LYPD6B: variants seen among roughly 807,000 people sequenced by gnomAD.
LYPD6B encodes LY6/PLAUR domain containing 6B, also known as ly6/PLAUR domain-containing protein 6B.
LYPD6B carries 17 observed loss-of-function variants against 22.8 expected under a neutral mutation model. That is an observed-to-expected ratio of 0.75 (90% CI 0.51 to 1.12). The LOEUF (loss-of-function observed/expected upper bound fraction) is 1.12, where lower values mean the gene tolerates loss of function less well. Among genes scored for constraint, LYPD6B ranks in the 50% most tolerant of loss-of-function variants. The pLI is 0.00. For synonymous variants in LYPD6B, 106 were observed against 91.6 expected, an observed-to-expected ratio of 1.16 and a Z score of -0.90; for missense variants, 221 against 258.3, an observed-to-expected ratio of 0.86 and a Z score of 0.99.
chr2:149,210,874 A>G (rs967473180), intron 5 of LYPD6B, among the ~76,000 whole-genome samples: 3 of 152,170 alleles, frequency 2.0e-5, no homozygotes, highest in African/African-American at 7.2e-5. Flanking sequence ...ACTCTACATT[A>G]TATCACTGTA....
At chr2:149,141,632 A>G (rs1235365743) in intron 2 of LYPD6B, among the ~76,000 whole-genome samples, 4 of 152,000 alleles carry the variant, frequency 2.6e-5, no homozygotes, top group Middle Eastern at 3.2e-3. Flanking sequence ...AAAAATTCCA[A>G]CCTCCTGTTG....
chr2:149,094,159 C>T (rs751742985), intron 1 of LYPD6B, among the ~76,000 whole-genome samples: 34 of 151,902 alleles, frequency 2.2e-4, no homozygotes, highest in Non-Finnish European at 4.4e-5. Context: ...ATTTTTGGTC[C>T]CTATGTATGA....
chr2:149,107,853 A>C (rs1159350607), intron 1 of LYPD6B, among the ~76,000 whole-genome samples: 1 of 152,204 alleles, frequency 6.6e-6, no homozygotes. Context: ...GAAAGGGTGG[A>C]GGGATCTATA....
chr2:149,187,528 TG>T (rs1559064809), intron 3 of LYPD6B: 1 of 1,477,008 alleles, frequency 6.8e-7, no homozygotes, highest in Admixed American at 2.6e-5. Context: ...TAAGATTCCC[TG>T]CGAGCAGGAT....
chr2:149,053,193 A>G (rs1038672758), intron 1 of LYPD6B, among the ~76,000 whole-genome samples: 1 of 152,238 alleles, frequency 6.6e-6, no homozygotes, highest in African/African-American at 2.4e-5. Flanking sequence ...TATGGAGGTA[A>G]GATAGATACA....
chr2:149,210,918 C>T (rs1442396660), intron 5 of LYPD6B, among the ~76,000 whole-genome samples: 3 of 152,144 alleles, frequency 2.0e-5, no homozygotes, highest in Non-Finnish European at 1.5e-5. Flanking sequence ...AAAGAAACAC[C>T]TGAGACTGGG....
intron 1 of LYPD6B, among the ~76,000 whole-genome samples, chr2:149,089,181 G>A (rs756656092): frequency 1.3e-5 from 2 of 152,330 alleles, no homozygotes; most frequent in Non-Finnish European, 2.9e-5. Context: ...TTGACATGTG[G>A]TGGAACATGA....
At chr2:149,046,926 A>G (rs1683333164) in intron 1 of LYPD6B, among the ~76,000 whole-genome samples, 1 of 152,210 alleles carries the variant, frequency 6.6e-6, no homozygotes, top group African/African-American at 2.4e-5. Flanking sequence ...CTTTGAGGCC[A>G]TAGATGGTCT....
intron 3 of LYPD6B, among the ~76,000 whole-genome samples, chr2:149,177,088 T>C (rs930295722): frequency 6.6e-6 from 1 of 152,194 alleles, no homozygotes; most frequent in Non-Finnish European, 1.5e-5. Context: ...TCAGTTATTA[T>C]TGTGGTGAAC....
At chr2:149,065,710 T>TTTA (rs1445394547) in intron 1 of LYPD6B, among the ~76,000 whole-genome samples, 6 of 152,028 alleles carry the variant, frequency 3.9e-5, no homozygotes, top group African/African-American at 1.4e-4. Context: ...ATACAACTTA[T>TTTA]TTATTTATTT....
chr2:149,110,712 C>A (rs1035622367), intron 1 of LYPD6B, among the ~76,000 whole-genome samples: 4 of 152,118 alleles, frequency 2.6e-5, no homozygotes, highest in Non-Finnish European at 5.9e-5. Context: ...TATTCAATGA[C>A]TGTTTTTTGA....
At chr2:149,068,257 C>T (rs1455061097) in intron 1 of LYPD6B, among the ~76,000 whole-genome samples, 3 of 152,064 alleles carry the variant, frequency 2.0e-5, no homozygotes, top group Non-Finnish European at 4.4e-5. Context: ...CTCAATAATG[C>T]AGAATGTATT....
intron 3 of LYPD6B, among the ~76,000 whole-genome samples, chr2:149,172,951 A>G (rs1690946503): frequency 6.6e-6 from 1 of 151,756 alleles, no homozygotes; most frequent in Admixed American, 6.6e-5. Context: ...GGCCTTTCTA[A>G]TATCATAAGC....
At chr2:149,100,922 G>T (rs2105486060) in intron 1 of LYPD6B, among the ~76,000 whole-genome samples, 1 of 152,312 alleles carries the variant, frequency 6.6e-6, no homozygotes, top group South Asian at 2.1e-4. Flanking sequence ...CCTGCCGTCA[G>T]CTGTCTGTGG....
chr2:149,080,270 G>T (rs991891504), intron 1 of LYPD6B, among the ~76,000 whole-genome samples: 5 of 152,144 alleles, frequency 3.3e-5, no homozygotes, highest in Non-Finnish European at 7.3e-5. Context: ...CTGTGTGTGT[G>T]TCTGTGTCTG....
chr2:149,106,120 C>A (rs1216508620), intron 1 of LYPD6B, among the ~76,000 whole-genome samples: 1 of 151,902 alleles, frequency 6.6e-6, no homozygotes, highest in Non-Finnish European at 1.5e-5. Context: ...TTTAAACCAA[C>A]CTTGCATTCC....
chr2:149,103,189 T>C (rs557924717), intron 1 of LYPD6B, among the ~76,000 whole-genome samples: 2 of 152,276 alleles, frequency 1.3e-5, no homozygotes, highest in East Asian at 1.9e-4. Context: ...CATTCAGCAG[T>C]TGGCACAAAC....
At chr2:149,105,932 G>C (rs1270392841) in intron 1 of LYPD6B, among the ~76,000 whole-genome samples, 3 of 152,058 alleles carry the variant, frequency 2.0e-5, no homozygotes, top group Non-Finnish European at 4.4e-5. Flanking sequence ...GTTTTTCATA[G>C]ATACTGTACT....
intron 1 of LYPD6B, among the ~76,000 whole-genome samples, chr2:149,042,938 G>A (rs1189845765): frequency 4.6e-5 from 7 of 152,238 alleles, no homozygotes; most frequent in Non-Finnish European, 7.4e-5. Context: ...GAATTTCTTT[G>A]ATTGTTTGTT....
Sources: allele counts gnomAD v4.1 joint callset (sites outside exome capture counted in the v4.1 genomes callset), GRCh38; gene constraint gnomAD v4.1.1; transcripts MANE v1.5; gene names NCBI Gene and HGNC (gene_info 2026-07-23, HGNC 2026-07-21).